Variants in ERBB4 observed in about 807,000 individuals in gnomAD.
ERBB4 encodes receptor tyrosine-protein kinase erbB-4.
In ERBB4, 42 loss-of-function variants were observed where a neutral mutation model predicts 158.0. The observed-to-expected ratio is 0.27, with a 90% CI of 0.21 to 0.34. The LOEUF is 0.34. Among genes scored for constraint, ERBB4 ranks in the 10% least tolerant of loss-of-function variants. The pLI, the probability that ERBB4 is intolerant of heterozygous loss-of-function variation, is 1.00. For missense variants in ERBB4, 1,333 were observed against 1,624.1 expected (o/e 0.82, Z 3.08); for synonymous variants, 583 against 558.7 (o/e 1.04, Z -0.61).
At chr2:212,134,752 C>T (rs1191415288) in intron 1 of ERBB4, among the ~76,000 whole-genome samples, 4 of 138,000 alleles carry the variant, frequency 2.9e-5, no homozygotes, top group African/African-American at 5.4e-5. Flanking sequence ...GGTGCAATCT[C>T]GGCTCACTGC....
At chr2:212,116,327 ACTT>A (rs1436386290) in intron 2 of ERBB4, among the ~76,000 whole-genome samples, 7 of 152,070 alleles carry the variant, frequency 4.6e-5, no homozygotes, top group African/African-American at 1.7e-4. Flanking sequence ...TCCTTCTAAT[ACTT>A]CTTCAAATAT....
At chr2:211,976,289 T>C (rs906576302) in intron 2 of ERBB4, among the ~76,000 whole-genome samples, 6 of 152,200 alleles carry the variant, frequency 3.9e-5, no homozygotes, top group Non-Finnish European at 8.8e-5. Flanking sequence ...AGGCCAAATT[T>C]ACTTAATTGT....
chr2:211,418,629 AT>A (rs201233616), intron 25 of ERBB4, among the ~76,000 whole-genome samples: 2,101 of 152,276 alleles, frequency 0.014, 13 homozygotes, highest in African/African-American at 0.019. Flanking sequence ...AAATGTAAGA[AT>A]TCTTATAAAA....
chr2:211,408,249 A>AT (rs925295589), intron 25 of ERBB4, among the ~76,000 whole-genome samples: 2 of 152,160 alleles, frequency 1.3e-5, no homozygotes, highest in African/African-American at 4.8e-5. Context: ...TCTTGATGAG[A>AT]TTTTCCCAGT....
rs185570703 is a variant in ERBB4 at position 211,780,222 on chromosome 2, G to T, written c.556+7803C>A. ...ACAAACAGTAAAAAACAATTATCTG[G>T]GTGTAGTGGCATGCATCTGTGGTCT... On this transcript the variant is annotated intron_variant, in intron 4 of 27. Transcript: ENST00000342788. Among the ~76,000 whole-genome samples, 4 of 152,078 alleles carry T rather than the reference G, an allele frequency of 2.6e-5. No individual in the cohort carries two copies. The East Asian group carries it at 7.7e-4, about 29-fold the overall frequency.
chr2:211,487,905 G>C (rs192560889), intron 20 of ERBB4, among the ~76,000 whole-genome samples: 1 of 152,054 alleles, frequency 6.6e-6, no homozygotes, highest in Non-Finnish European at 1.5e-5. Context: ...TGAACTGTCA[G>C]CATTATTGTT....
chr2:212,013,968 A>G (rs1453184090), intron 2 of ERBB4, among the ~76,000 whole-genome samples: 3 of 152,246 alleles, frequency 2.0e-5, no homozygotes, highest in African/African-American at 7.2e-5. Context: ...AGAAGCTAAC[A>G]CAGCAACTAA....
intron 1 of ERBB4, among the ~76,000 whole-genome samples, chr2:212,245,595 A>C (rs1223677952): frequency 1.3e-5 from 2 of 152,036 alleles, no homozygotes; most frequent in Non-Finnish European, 2.9e-5. Flanking sequence ...CTACTGTAAA[A>C]GGTGAAATTA....
intron 1 of ERBB4, among the ~76,000 whole-genome samples, chr2:212,478,477 T>C (rs115352275): frequency 0.012 from 1,810 of 150,598 alleles, 36 homozygotes; most frequent in African/African-American, 0.043. Context: ...ATATAAAATA[T>C]AAGTGAGCGA....
intron 2 of ERBB4, among the ~76,000 whole-genome samples, chr2:212,091,220 G>A (rs2078764799): frequency 6.6e-6 from 1 of 151,040 alleles, no homozygotes; most frequent in African/African-American, 2.4e-5. Flanking sequence ...AAAAAGTACA[G>A]AAAGATATAT....
chr2:211,984,338 A>C (rs925830300), intron 2 of ERBB4, among the ~76,000 whole-genome samples: 3 of 152,226 alleles, frequency 2.0e-5, no homozygotes, highest in African/African-American at 7.2e-5. Flanking sequence ...GGGGACACTC[A>C]GACTATAGCA....
chr2:211,860,609 T>C (rs1456719542), intron 3 of ERBB4, among the ~76,000 whole-genome samples: 1 of 152,050 alleles, frequency 6.6e-6, no homozygotes, highest in African/African-American at 2.4e-5. Flanking sequence ...GCATTTCTGC[T>C]CTCTTGCTAG....
At chr2:211,449,247 G>A (rs563815857) in intron 20 of ERBB4, among the ~76,000 whole-genome samples, 49 of 152,178 alleles carry the variant, frequency 3.2e-4, no homozygotes, top group African/African-American at 8.9e-4. Context: ...GTTTTAGACC[G>A]TGTAATATTA....
At position 211,450,135 on chromosome 2, in the gene ERBB4, TACATG is replaced by T. The variant is rs2064208302; in HGVS notation, c.2488-19040_2488-19036del. Among the ~76,000 whole-genome samples, 3 of 152,240 alleles carry T rather than the reference TACATG, an allele frequency of 2.0e-5. No homozygotes were observed. In the South Asian group the frequency reaches 6.2e-4, roughly 32 times the overall value. ...GCAGCCTGGTTTCAGGTCTAAGGAA[TACATG>T]TGCAGAACTGGGATTAGAGAAATTA... On this transcript the variant is annotated intron_variant, in intron 20 of 27. Coordinates refer to ENST00000342788, the MANE Select transcript of ERBB4 (RefSeq NM_005235.3).
intron 3 of ERBB4, among the ~76,000 whole-genome samples, chr2:211,817,820 A>G (rs1437786727): frequency 1.3e-5 from 2 of 152,152 alleles, no homozygotes; most frequent in Non-Finnish European, 2.9e-5. Context: ...ACCATCTTCA[A>G]TTGTACACAT....
intron 2 of ERBB4, among the ~76,000 whole-genome samples, chr2:211,995,103 C>T (rs1162813264): frequency 6.6e-6 from 1 of 152,160 alleles, no homozygotes; most frequent in East Asian, 1.9e-4. Flanking sequence ...GTCTCTTAGA[C>T]ACATCTGCCA....
chr2:211,969,516 G>A (rs2081394715), intron 2 of ERBB4, among the ~76,000 whole-genome samples: 1 of 152,110 alleles, frequency 6.6e-6, no homozygotes, highest in East Asian at 1.9e-4. Context: ...TTATAAAGTT[G>A]AGAGTTGCAG....
At chr2:212,152,455 A>C (rs59942033) in intron 1 of ERBB4, among the ~76,000 whole-genome samples, 3,870 of 152,102 alleles carry the variant, frequency 0.025, 163 homozygotes, top group African/African-American at 0.087. Flanking sequence ...GACTCTCCTC[A>C]TCTTCCTCTT....
At chr2:211,859,629 G>T (rs2077962064) in intron 3 of ERBB4, among the ~76,000 whole-genome samples, 1 of 152,108 alleles carries the variant, frequency 6.6e-6, no homozygotes, top group South Asian at 2.1e-4. Flanking sequence ...AATGAATCCT[G>T]ACTTTGTAGT....
Sources: allele counts gnomAD v4.1 joint callset (sites outside exome capture counted in the v4.1 genomes callset), GRCh38; gene constraint gnomAD v4.1.1; transcripts MANE v1.5; gene names NCBI Gene and HGNC (gene_info 2026-07-23, HGNC 2026-07-21).